The following PARD6G variants were observed in gnomAD, a reference collection of about 807,000 sequenced individuals.
PARD6G encodes the protein par-6 family cell polarity regulator gamma.
Under a neutral mutation model 10.7 loss-of-function variants are expected in PARD6G, and 7 were observed. The ratio of observed to expected loss-of-function variants is 0.66; its 90% confidence interval spans 0.37 to 1.23. The LOEUF is 1.23. Ranked by LOEUF, PARD6G falls within the 50% of genes most tolerant of loss-of-function variation. The pLI, the probability that PARD6G is intolerant of heterozygous loss-of-function variation, is 0.02. For missense variants in PARD6G, 548 were observed against 571.8 expected, an observed-to-expected ratio of 0.96 and a Z score of 0.42; for synonymous variants, 287 against 269.4, an observed-to-expected ratio of 1.07 and a Z score of -0.64.
rs1399529845 is a variant in PARD6G at position 80,231,665 on chromosome 18, C to G, written c.72+15612G>C. On this transcript the variant is annotated intron_variant, in intron 1 of 2. Transcript: ENST00000353265. This position sits in a 1 kb window ranked among gnomAD's most constrained non-coding sequence, Gnocchi z 4.2. ...TTCATCCCAGGGTTGTGGTGAGACT[C>G]TAATATGAACACATGTCCTGTGTTC... 6.6e-6 allele frequency among the ~76,000 whole-genome samples: 1 copy of G among 152,124 alleles called. No individual in the cohort carries two copies. The highest frequency in any genetic ancestry group is 1.5e-5 in the Non-Finnish European group (1 of 68,034).
intron 1 of PARD6G, among the ~76,000 whole-genome samples, chr18:80,224,220 C>A (rs117459189): frequency 1.1e-4 from 17 of 152,304 alleles, no homozygotes; most frequent in African/African-American, 4.1e-4. Context: ...ACCATTAACA[C>A]GATTATGTCT....
intron 1 of PARD6G, among the ~76,000 whole-genome samples, chr18:80,212,497 T>G (rs1268604168): frequency 6.6e-6 from 1 of 152,240 alleles, no homozygotes; most frequent in Non-Finnish European, 1.5e-5. Context: ...AGGTGCTCAT[T>G]ACAATTTTCA....
intron 1 of PARD6G, among the ~76,000 whole-genome samples, chr18:80,234,232 G>A (rs962953555): frequency 6.6e-6 from 1 of 152,092 alleles, no homozygotes; most frequent in Non-Finnish European, 1.5e-5. Context: ...TCTCATCTCA[G>A]GTCCCAGCTT....
chr18:80,224,805 C>A (rs1024843267), intron 1 of PARD6G, among the ~76,000 whole-genome samples: 3 of 151,976 alleles, frequency 2.0e-5, no homozygotes, highest in Non-Finnish European at 4.4e-5. Flanking sequence ...CGAGATCGCG[C>A]CACTGCTCTC....
At chr18:80,194,674 A>C (rs1966934220) in intron 2 of PARD6G, among the ~76,000 whole-genome samples, 1 of 152,108 alleles carries the variant, frequency 6.6e-6, no homozygotes, top group Non-Finnish European at 1.5e-5. Context: ...ATACTAGTGC[A>C]GGAGGATCCT....
In PARD6G at chr18:80,182,995, C is replaced by T. The variant is rs2052855668; in HGVS notation, c.295+19715G>A. 2 of 667,046 alleles carry T rather than the reference C, an allele frequency of 3.0e-6. No homozygotes were observed. Among genetic ancestry groups the T allele is most frequent in the Non-Finnish European group, 5.5e-6 (2 of 365,792 alleles). 41.3% of individuals were successfully genotyped at this position (667,046 alleles called of 1,614,324 possible). On this transcript the variant is annotated intron_variant, in intron 2 of 2. Coordinates refer to ENST00000353265, the MANE Select transcript of PARD6G (RefSeq NM_032510.4). The surrounding 1 kb of genome is among the most constrained non-coding windows in gnomAD (Gnocchi z 4.5). ...TCCTCCTTCGTCCTGACGTGGCTCC[C>T]AGTGGAATGAGATGGCTGGGGTCTC...
At chr18:80,195,667 C>T (rs2145275453) in intron 2 of PARD6G, among the ~76,000 whole-genome samples, 1 of 148,226 alleles carries the variant, frequency 6.7e-6, no homozygotes, top group East Asian at 2.0e-4. Flanking sequence ...CACCTGAGGT[C>T]AGGAGTTCCA....
At chr18:80,162,099 C>A (rs867778163) in intron 2 of PARD6G, 1 of 152,208 alleles carries the variant, frequency 6.6e-6, no homozygotes, top group African/African-American at 2.4e-5. Context: ...GGTTAATGCA[C>A]CCTGGAGCCG....
chr18:80,216,796 C>T (rs1047655505), intron 1 of PARD6G, among the ~76,000 whole-genome samples: 1 of 151,898 alleles, frequency 6.6e-6, no homozygotes, highest in Non-Finnish European at 1.5e-5. Context: ...ACTCAAAAAA[C>T]AGAGAAAGTG....
At chr18:80,187,261 G>A (rs536651746) in intron 2 of PARD6G, among the ~76,000 whole-genome samples, 5 of 152,276 alleles carry the variant, frequency 3.3e-5, no homozygotes, top group African/African-American at 7.2e-5. Context: ...GGGATGGCAC[G>A]CGTGGGTGGG....
intron 2 of PARD6G, among the ~76,000 whole-genome samples, chr18:80,191,152 A>C (rs1264605232): frequency 3.3e-5 from 5 of 152,238 alleles, no homozygotes; most frequent in Admixed American, 3.3e-4. Context: ...GGCAATAGGC[A>C]GGAAGGTCAG....
At chr18:80,241,974 C>G (rs112518224) in intron 1 of PARD6G, among the ~76,000 whole-genome samples, 3 of 152,306 alleles carry the variant, frequency 2.0e-5, no homozygotes, top group African/African-American at 7.2e-5. Flanking sequence ...TCTCCCAATC[C>G]TTGATATTCC....
chr18:80,178,803 A>C (rs1445948012), intron 2 of PARD6G, among the ~76,000 whole-genome samples: 5 of 144,270 alleles, frequency 3.5e-5, no homozygotes, highest in Non-Finnish European at 7.7e-5. Context: ...CAGCATGGCA[A>C]GGTCCCCTCC....
At position 80,183,596 on chromosome 18, in the gene PARD6G, T is replaced by C; in HGVS notation, c.295+19114A>G. ...CGGGAGCCCACTTCATCCTGCTTCA[T>C]CAGTCTCTGAAGCTGAGAGAACACC... On this transcript the variant is annotated intron_variant, in intron 2 of 2. Coordinates refer to ENST00000353265, the MANE Select transcript of PARD6G (RefSeq NM_032510.4). This position sits in a 1 kb window ranked among gnomAD's most constrained non-coding sequence, Gnocchi z 4.5. 1 of 164,468 alleles carries C rather than the reference T, an allele frequency of 6.1e-6. No homozygotes were observed. Among genetic ancestry groups the C allele is most frequent in the Non-Finnish European group, 1.3e-5 (1 of 75,854 alleles). 10.2% of individuals were successfully genotyped at this position (164,468 alleles called of 1,614,324 possible).
intron 2 of PARD6G, among the ~76,000 whole-genome samples, chr18:80,179,321 C>G (rs1023789023): frequency 1.3e-5 from 2 of 151,806 alleles, no homozygotes; most frequent in Non-Finnish European, 2.9e-5. Context: ...AAGCCTCAGA[C>G]GCTCAGCAAG....
At chr18:80,186,554 A>C (rs916825675) in intron 2 of PARD6G, among the ~76,000 whole-genome samples, 7 of 151,808 alleles carry the variant, frequency 4.6e-5, no homozygotes, top group Admixed American at 2.0e-4. Flanking sequence ...ACCCTCACAC[A>C]CATGCACACA....
At chr18:80,232,641 AAC>A (rs1967372804) in intron 1 of PARD6G, among the ~76,000 whole-genome samples, 4 of 152,060 alleles carry the variant, frequency 2.6e-5, no homozygotes, top group Admixed American at 2.6e-4. Context: ...TCCCTCCCAC[AAC>A]ACGTGGGAGT....
At chr18:80,178,177 C>A (rs2052827328) in intron 2 of PARD6G, 2 of 166,984 alleles carry the variant, frequency 1.2e-5, no homozygotes, top group Non-Finnish European at 2.9e-5. Flanking sequence ...GTGGAGATAT[C>A]ATTGGAAAAG....
rs768663756 is a variant in PARD6G, at chr18:80,160,105, G to A, written c.797C>T (p.Ser266Leu). ...CGCGGTGCCGTCCGAGGGCGGTCCC[G>A]AGCTGCCCAACGCGCGGCCGCCGCG... ...VVRGGRALGS[S>L]GPPSDGTAGF... Residue 266 changes from serine (S) to leucine (L), a missense_variant, in exon 3 of 3, where the codon TCG (serine) becomes TTG (leucine). Physicochemically the swap from Ser to Leu is moderately radical, Grantham distance 145 (BLOSUM62 -2). Transcript: ENST00000353265. 2 of 1,608,636 alleles carry A rather than the reference G, an allele frequency of 1.2e-6. No homozygotes were observed. The highest frequency in any genetic ancestry group is 1.1e-5 in the South Asian group (1 of 90,618).
Sources: allele counts gnomAD v4.1 joint callset (sites outside exome capture counted in the v4.1 genomes callset), GRCh38; gene constraint gnomAD v4.1.1; non-coding constraint Gnocchi (gnomAD v3.1); transcripts MANE v1.5; gene names NCBI Gene and HGNC (gene_info 2026-07-23, HGNC 2026-07-21).